The following SYT1 variants were observed in gnomAD, a reference collection of about 807,000 sequenced individuals.
SYT1 encodes the protein synaptotagmin 1, also known as synaptotagmin-1.
A neutral mutation model predicts 44.8 loss-of-function variants in SYT1; 8 were observed. That is an observed-to-expected ratio of 0.18 (90% CI 0.10 to 0.32). The LOEUF is 0.32. Among genes scored for constraint, SYT1 ranks in the 10% least tolerant of loss-of-function variants. The pLI is 1.00. For missense variants in SYT1, 286 were observed against 509.3 expected (o/e 0.56, Z 4.22); for synonymous variants, 154 against 188.8 (o/e 0.82, Z 1.51).
intron 3 of SYT1, among the ~76,000 whole-genome samples, chr12:79,073,816 T>C (rs1343470088): frequency 6.6e-6 from 1 of 152,174 alleles, no homozygotes; most frequent in Non-Finnish European, 1.5e-5. Context: ...TTTCTGTCTC[T>C]CCCTTTATCT....
chr12:79,117,865 G>A (rs1010282435), intron 3 of SYT1, among the ~76,000 whole-genome samples: 24 of 150,718 alleles, frequency 1.6e-4, no homozygotes, highest in Non-Finnish European at 3.1e-4. Flanking sequence ...TAATTCTTAG[G>A]GTAACACCTT....
chr12:79,161,983 C>A (rs970698872), intron 3 of SYT1, among the ~76,000 whole-genome samples: 9 of 152,056 alleles, frequency 5.9e-5, no homozygotes, highest in African/African-American at 2.2e-4. Context: ...ACATATTGTT[C>A]GATTCCACAC....
Position 79,287,001 on chromosome 12 carries a change from C to T in SYT1, c.351+1030C>T, listed in dbSNP as rs115265232. ...AATCAAACTCTTAAACCTGAATCTC[C>T]TTAAGAACAATTTAATCAGGTGTTA... is the stretch of plus-strand genomic sequence containing the variant. On this transcript the variant is annotated intron_variant, in intron 5 of 10. Coordinates refer to ENST00000261205, the MANE Select transcript of SYT1 (RefSeq NM_005639.3). Among the ~76,000 whole-genome samples, 1,105 of 152,216 alleles carry T rather than the reference C, an allele frequency of 7.3e-3. 13 individuals are homozygous for T. The highest frequency in any genetic ancestry group is 0.025 in the African/African-American group (1,054 of 41,550).
chr12:79,079,398 A>C (rs1876876685), intron 3 of SYT1, among the ~76,000 whole-genome samples: 1 of 152,132 alleles, frequency 6.6e-6, no homozygotes, highest in Non-Finnish European at 1.5e-5. Context: ...CTTTATAAGA[A>C]GATTGACATG....
At position 79,179,520 on chromosome 12, in the gene SYT1, T is replaced by TATATAG. The variant is rs145039259; in HGVS notation, c.-17-37963_-17-37958dup. On this transcript the variant is annotated intron_variant, in intron 3 of 10. Transcript: ENST00000261205. ...ATATAGATATAGATATAGATATATC[T>TATATAG]ATATAGATATAGATATAGATATAGA... Among the ~76,000 whole-genome samples, 20 of 11,934 alleles carry TATATAG rather than the reference T, an allele frequency of 1.7e-3. 1 individual carries two copies. The highest frequency in any genetic ancestry group is 9.7e-3 in the Admixed American group (9 of 930). 7.8% of individuals were successfully genotyped at this position (11,934 alleles called of 152,430 possible). A position where few individuals can be genotyped will look rare whatever the true frequency, so the allele number is the denominator to read the frequency against.
At chr12:79,145,886 T>A (rs184556403) in intron 3 of SYT1, among the ~76,000 whole-genome samples, 23 of 151,134 alleles carry the variant, frequency 1.5e-4, no homozygotes, top group Admixed American at 5.9e-4. Context: ...GCCTCCCAAG[T>A]AGCTGGGACT....
At chr12:79,232,987 TTTTA>T (rs1269258818) in intron 4 of SYT1, among the ~76,000 whole-genome samples, 15 of 152,240 alleles carry the variant, frequency 9.9e-5, no homozygotes, top group Admixed American at 3.3e-4. Flanking sequence ...TTCTCTCTCC[TTTTA>T]TTTCTTTTCT....
chr12:79,183,090 CTA>C (rs2138419779), intron 3 of SYT1, among the ~76,000 whole-genome samples: 1 of 152,134 alleles, frequency 6.6e-6, no homozygotes, highest in East Asian at 1.9e-4. Flanking sequence ...TGTGCACTGA[CTA>C]TGTGGAATTC....
At chr12:79,417,867 G>C (rs1231166243) in intron 9 of SYT1, among the ~76,000 whole-genome samples, 2 of 150,214 alleles carry the variant, frequency 1.3e-5, no homozygotes, top group African/African-American at 4.9e-5. Flanking sequence ...ATCATGTCCT[G>C]AGAATCTTGT....
chr12:79,339,369 T>G (rs188759934), intron 8 of SYT1, among the ~76,000 whole-genome samples: 1,574 of 152,258 alleles, frequency 0.01, 20 homozygotes, highest in African/African-American at 0.035. Flanking sequence ...ATTCTAACTG[T>G]TGTGAGATAG....
rs5799420 is a variant in SYT1, at chr12:79,212,498, G to GAA, written c.-17-4993_-17-4992dup. Among the ~76,000 whole-genome samples the GAA allele has an allele frequency of 7.2e-3, 1,026 of 142,872 alleles. 11 individuals are homozygous for GAA. The highest frequency in any genetic ancestry group is 0.022 in the African/African-American group (845 of 39,286). 93.7% of individuals were successfully genotyped at this position (142,872 alleles called of 152,430 possible). ...TATATCCCAGAACTTAAAGTAAAAT[G>GAA]AAAAAAAAAAAAAGAAAATTGCCTG... On this transcript the variant is annotated intron_variant, in intron 3 of 10. Transcript: ENST00000261205.
chr12:79,213,906 A>G (rs1874620896), intron 3 of SYT1, among the ~76,000 whole-genome samples: 1 of 152,230 alleles, frequency 6.6e-6, no homozygotes, highest in South Asian at 2.1e-4. Flanking sequence ...TGGGCTACAG[A>G]GCGATACTGT....
At chr12:79,263,425 T>G (rs1455404556) in intron 4 of SYT1, among the ~76,000 whole-genome samples, 1 of 152,310 alleles carries the variant, frequency 6.6e-6, no homozygotes, top group Middle Eastern at 3.4e-3. Flanking sequence ...GTGTTTTATA[T>G]TCTTTCATTT....
chr12:78,945,713 A>T (rs1017252391), intron 1 of SYT1, among the ~76,000 whole-genome samples: 3 of 152,154 alleles, frequency 2.0e-5, no homozygotes, highest in African/African-American at 7.2e-5. Flanking sequence ...ATCCAAAGAC[A>T]TGAATCTCGT....
chr12:79,375,730 T>C (rs1437601615), intron 9 of SYT1, among the ~76,000 whole-genome samples: 2 of 152,220 alleles, frequency 1.3e-5, no homozygotes, highest in Non-Finnish European at 1.5e-5. Flanking sequence ...ACTGGTAATA[T>C]AAATTTCATT....
chr12:78,866,149 T>C (rs1038114990), intron 1 of SYT1, among the ~76,000 whole-genome samples: 4 of 152,238 alleles, frequency 2.6e-5, no homozygotes, highest in Admixed American at 2.6e-4. Context: ...AGCAACTGTT[T>C]AACTTTTGTA....
chr12:79,356,365 G>A (rs1376017782), intron 9 of SYT1, among the ~76,000 whole-genome samples: 1 of 151,924 alleles, frequency 6.6e-6, no homozygotes, highest in Non-Finnish European at 1.5e-5. Flanking sequence ...TCACTAGACT[G>A]TGTTCTGTAT....
At position 79,215,926 on chromosome 12, in the gene SYT1, T is replaced by C. The variant is rs1009185206; in HGVS notation, c.-17-1577T>C. ...ATCGTTTGCATTTCTTTCTTTTTTT[T>C]TTTTTTTTTTTTTTTTTTTTTTGAG... On this transcript the variant is annotated intron_variant, in intron 3 of 10. Transcript: ENST00000261205. Among the ~76,000 whole-genome samples, 589 of 124,120 alleles carry C rather than the reference T, an allele frequency of 4.7e-3. 3 individuals are homozygous for C. Among genetic ancestry groups the C allele is most frequent in the African/African-American group, 0.018 (555 of 31,208 alleles). The allele number at this position is 124,120 out of a possible 152,430, so 81.4% of individuals were successfully genotyped here. A position where few individuals can be genotyped will look rare whatever the true frequency, so the allele number is the denominator to read the frequency against.
rs532158242 is a variant in SYT1 at position 78,885,268 on chromosome 12, G to A, written c.-217+20159G>A. ...GAGTGAGAAGAAAGGGGGAAGGAGG[G>A]AAGGGAAGGAAGGAGGGAAGGAAGG... On this transcript the variant is annotated intron_variant, in intron 1 of 10. Transcript: ENST00000261205. 1.5e-4 allele frequency among the ~76,000 whole-genome samples: 23 copies of A among 149,706 alleles called. No homozygotes were observed. In the South Asian group the frequency reaches 3.4e-3, roughly 22 times the overall value.
Sources: allele counts gnomAD v4.1 joint callset (sites outside exome capture counted in the v4.1 genomes callset), GRCh38; gene constraint gnomAD v4.1.1; transcripts MANE v1.5; gene names NCBI Gene and HGNC (gene_info 2026-07-23, HGNC 2026-07-21).